THSD4: variants seen among roughly 807,000 people sequenced by gnomAD.
THSD4 encodes the protein thrombospondin type 1 domain containing 4.
A neutral mutation model predicts 119.0 loss-of-function variants in THSD4; 69 were observed. The ratio of observed to expected loss-of-function variants is 0.58; its 90% CI spans 0.48 to 0.71. THSD4 has a LOEUF of 0.71. Ranked by LOEUF, THSD4 falls within the 30% of genes least tolerant of loss-of-function variation. The pLI is 0.00. For missense variants in THSD4, 1,393 were observed against 1,391.1 expected (o/e 1.00, Z -0.02); for synonymous variants, 524 against 540.4 (o/e 0.97, Z 0.42).
chr15:71,252,713 A>G (rs1019359578), intron 5 of THSD4, among the ~76,000 whole-genome samples: 2 of 152,234 alleles, frequency 1.3e-5, no homozygotes, highest in Non-Finnish European at 2.9e-5. Context: ...TATGAGCCCT[A>G]TGACCTTATG....
chr15:71,107,918 G>C (rs1336910555), intron 1 of THSD4, among the ~76,000 whole-genome samples: 1 of 152,208 alleles, frequency 6.6e-6, no homozygotes. Flanking sequence ...CATAAGGCTA[G>C]TACCCAGATG....
At position 71,205,569 on chromosome 15, in the gene THSD4, G is replaced by A. The variant is rs990148745; in HGVS notation, c.100-9466G>A. Among the ~76,000 whole-genome samples the A allele has an allele frequency of 2.6e-5, 4 of 152,088 alleles. No individual in the cohort carries two copies. The South Asian group carries it at 8.3e-4, about 32-fold the overall frequency. On this transcript the variant is annotated intron_variant, in intron 3 of 17. Transcript: ENST00000261862. ...TTTTGTGCAAATACATCATTTAACT[G>A]TTCCTGAAATGCATTTGTAGAACTC...
intron 6 of THSD4, among the ~76,000 whole-genome samples, chr15:71,285,780 G>A (rs766167827): frequency 7.1e-6 from 1 of 141,024 alleles, no homozygotes; most frequent in Non-Finnish European, 1.5e-5. Context: ...CTTGAACCTG[G>A]GAGGCAGAGG....
intron 6 of THSD4, among the ~76,000 whole-genome samples, chr15:71,327,073 G>A (rs1394717327): frequency 1.3e-5 from 2 of 150,916 alleles, no homozygotes; most frequent in East Asian, 4.0e-4. Context: ...ATTCTGAGAC[G>A]GGAGAATCGC....
chr15:71,334,202 G>A (rs2045464125), intron 6 of THSD4, among the ~76,000 whole-genome samples: 1 of 152,156 alleles, frequency 6.6e-6, no homozygotes, highest in East Asian at 1.9e-4. Context: ...GTTCTTTTCT[G>A]CAGAATAGCC....
rs1185758256 is a variant in THSD4 at position 71,373,694 on chromosome 15, T to A, written c.1016-37993T>A. Among the ~76,000 whole-genome samples the A allele has an allele frequency of 2.6e-5, 4 of 152,150 alleles. No individual in the cohort carries two copies. In the East Asian group the frequency reaches 7.7e-4, roughly 29 times the overall value. The stretch of plus-strand genomic sequence containing the variant: ...CTGACTTGCTCCTGTCCAAATTGCC[T>A]CTCCATGAGCTACAAGGGTCCAGGC... On this transcript the variant is annotated intron_variant, in intron 6 of 17. Coordinates refer to ENST00000261862, the MANE Select transcript of THSD4 (RefSeq NM_024817.3).
intron 4 of THSD4, among the ~76,000 whole-genome samples, chr15:71,225,539 C>CTTTTTCT (rs2044008727): frequency 9.5e-6 from 1 of 105,384 alleles, no homozygotes; most frequent in African/African-American, 3.5e-5. Flanking sequence ...TTTTCTTTTT[C>CTTTTTCT]TTTTTTTTTT....
intron 1 of THSD4, among the ~76,000 whole-genome samples, chr15:71,099,786 G>A (rs538429967): frequency 9.5e-4 from 144 of 152,124 alleles, no homozygotes; most frequent in African/African-American, 3.0e-3. Context: ...ACAACATGGT[G>A]AAACCCCTTC....
At chr15:71,201,500 C>T (rs2043803428) in intron 3 of THSD4, among the ~76,000 whole-genome samples, 1 of 152,240 alleles carries the variant, frequency 6.6e-6, no homozygotes, top group Non-Finnish European at 1.5e-5. Context: ...GCAGAATCGG[C>T]TTGCCCACGC....
intron 7 of THSD4, among the ~76,000 whole-genome samples, chr15:71,634,220 T>G (rs3743051): frequency 0.27 from 40,843 of 150,466 alleles, 6,228 homozygotes; most frequent in East Asian, 0.62. Context: ...GAAAAAGAAA[T>G]AATCCTAGTA....
chr15:71,287,694 A>G (rs1394027671), intron 6 of THSD4, among the ~76,000 whole-genome samples: 1 of 152,064 alleles, frequency 6.6e-6, no homozygotes, highest in African/African-American at 2.4e-5. Context: ...AACTAGGATG[A>G]ACCCCCTGCC....
intron 7 of THSD4, among the ~76,000 whole-genome samples, chr15:71,624,007 T>C (rs1477617251): frequency 6.6e-6 from 1 of 152,114 alleles, no homozygotes; most frequent in Non-Finnish European, 1.5e-5. Flanking sequence ...ATGTCATGGA[T>C]TGGCTTCCCT....
rs1482760869 is a variant in THSD4 at position 71,164,736 on chromosome 15, A to G, written c.99+9804A>G. On this transcript the variant is annotated intron_variant, in intron 3 of 17. Coordinates refer to ENST00000261862, the MANE Select transcript of THSD4 (RefSeq NM_024817.3). The stretch of plus-strand genomic sequence containing the variant: ...TGTGTACAGGGGGGTTAAATGCTTT[A>G]TAGACAAGAAAAAAAAACTGCGCTA... 7.6e-6 allele frequency: 12 copies of G among 1,580,998 alleles called. No individual in the cohort carries two copies. In the East Asian group the frequency reaches 1.3e-4, roughly 18 times the overall value.
intron 6 of THSD4, among the ~76,000 whole-genome samples, chr15:71,409,900 G>A (rs28558637): frequency 7.3e-6 from 1 of 136,570 alleles, no homozygotes; most frequent in Non-Finnish European, 1.6e-5. Context: ...TTTTTTTTTT[G>A]TTTTTTTTAC....
intron 7 of THSD4, among the ~76,000 whole-genome samples, chr15:71,431,758 G>T (rs1284471328): frequency 6.6e-6 from 1 of 152,112 alleles, no homozygotes; most frequent in African/African-American, 2.4e-5. Context: ...ATAGGGGAAA[G>T]GTATACATGC....
intron 7 of THSD4, among the ~76,000 whole-genome samples, chr15:71,429,114 A>G (rs540985946): frequency 6.6e-6 from 1 of 152,224 alleles, no homozygotes; most frequent in Non-Finnish European, 1.5e-5. Context: ...GTTCACTGAC[A>G]AAAGGCAGGT....
rs369590336 is a variant in THSD4, at chr15:71,377,357, A to G, written c.1016-34330A>G. On this transcript the variant is annotated intron_variant, in intron 6 of 17. Transcript: ENST00000261862. ...GACCACAGGCAGTATGTGGGCTAGG[A>G]TCAACAGGAATGTGGGTGTTCCCCA... 3.6e-4 allele frequency among the ~76,000 whole-genome samples: 55 copies of G among 152,220 alleles called. No individual in the cohort carries two copies. In the South Asian group the frequency reaches 8.1e-3, roughly 22 times the overall value.
At chr15:71,659,121 G>T (rs1183973054) in intron 7 of THSD4, among the ~76,000 whole-genome samples, 1 of 152,190 alleles carries the variant, frequency 6.6e-6, no homozygotes, top group African/African-American at 2.4e-5. Flanking sequence ...TCAAGAAAGA[G>T]GACAAGCCTG....
chr15:71,207,071 C>T (rs1338797569), intron 3 of THSD4, among the ~76,000 whole-genome samples: 1 of 152,100 alleles, frequency 6.6e-6, no homozygotes, highest in Non-Finnish European at 1.5e-5. Context: ...TTCCATATTG[C>T]TCTGTATTAT....
Sources: gnomAD v4.1 joint callset for allele counts (sites outside exome capture counted in the v4.1 genomes callset) on GRCh38, gnomAD v4.1.1 for gene constraint, MANE v1.5 for transcripts, NCBI Gene and HGNC (gene_info 2026-07-23, HGNC 2026-07-21) for gene names.